MEOX2: variants seen among roughly 807,000 people sequenced by gnomAD.
MEOX2 encodes homeobox protein MOX-2.
In MEOX2, 11 loss-of-function variants were observed where a neutral mutation model predicts 27.0. That is an observed-to-expected ratio of 0.41 (90% confidence interval 0.26 to 0.68). The LOEUF (loss-of-function observed/expected upper bound fraction) is 0.68. Ranked by LOEUF, MEOX2 falls within the 30% of genes least tolerant of loss-of-function variation. The pLI is 0.33. For synonymous variants in MEOX2, 189 were observed against 155.4 expected, an observed-to-expected ratio of 1.22 and a Z score of -1.61; for missense variants, 436 against 385.4, an observed-to-expected ratio of 1.13 and a Z score of -1.10.
At chr7:15,618,928 A>T (rs1781168875) in intron 2 of MEOX2, among the ~76,000 whole-genome samples, 1 of 151,984 alleles carries the variant, frequency 6.6e-6, no homozygotes, top group Non-Finnish European at 1.5e-5. Context: ...GTTCATCATA[A>T]AAAATTGGAA....
intron 1 of MEOX2, among the ~76,000 whole-genome samples, chr7:15,669,155 A>T (rs1013544152): frequency 1.3e-5 from 2 of 152,186 alleles, no homozygotes; most frequent in African/African-American, 4.8e-5. Flanking sequence ...ATAAAAGTAA[A>T]CTCATAAATG....
At chr7:15,659,758 C>CAAAAAAA (rs58319551) in intron 1 of MEOX2, among the ~76,000 whole-genome samples, 34 of 54,012 alleles carry the variant, frequency 6.3e-4, no homozygotes, top group Admixed American at 8.3e-4. Context: ...AGACTGCTCT[C>CAAAAAAA]AAAAAAAAAA....
intron 1 of MEOX2, chr7:15,680,141 G>A (rs907121833): frequency 2.6e-5 from 4 of 151,716 alleles, no homozygotes; most frequent in Non-Finnish European, 4.4e-5. Context: ...TAACCCATTC[G>A]ATCATACACT....
chr7:15,663,095 T>C (rs939989169), intron 1 of MEOX2, among the ~76,000 whole-genome samples: 2 of 152,160 alleles, frequency 1.3e-5, no homozygotes, highest in Admixed American at 1.3e-4. Context: ...GATAGAACAC[T>C]AGCGTCCCTA....
chr7:15,622,007 A>G (rs1781229558), intron 2 of MEOX2, among the ~76,000 whole-genome samples: 1 of 152,204 alleles, frequency 6.6e-6, no homozygotes, highest in East Asian at 1.9e-4. Flanking sequence ...AATCCCAGCT[A>G]CCAGAGAGAC....
At position 15,686,148 on chromosome 7, in the gene MEOX2, G is replaced by GTGC. The variant is rs753233317; in HGVS notation, c.252_254dup (p.Gln84dup). ...GGTGCCAGTTGGTTTGCAGAGCCTG[G>GTGC]TGCTGCTGCTGCTGATGGTGGTGAT... is the stretch of plus-strand genomic sequence containing the variant. On this transcript the variant is annotated inframe_insertion, in exon 1 of 3. Transcript: ENST00000262041. 7.6e-6 allele frequency: 12 copies of GTGC among 1,576,498 alleles called. No homozygotes were observed. The highest frequency in any genetic ancestry group is 1.0e-5 in the Non-Finnish European group (12 of 1,164,544).
In MEOX2 at chr7:15,686,418, G is replaced by C; in HGVS notation, c.-16C>G. ...GGTGTTCCATAGCATGCAAGTTTCGGGTTCCAGGCAGAAGACTTCACGGCG... is the reference window on the plus strand; with the variant it reads ...GGTGTTCCATAGCATGCAAGTTTCGCGTTCCAGGCAGAAGACTTCACGGCG... On this transcript the variant is annotated 5_prime_UTR_variant, in exon 1 of 3. Coordinates refer to ENST00000262041, the MANE Select transcript of MEOX2 (RefSeq NM_005924.5). The C allele has an allele frequency of 6.4e-7, 1 of 1,555,380 alleles. No homozygotes were observed. Among genetic ancestry groups the C allele is most frequent in the South Asian group, 1.2e-5 (1 of 84,412 alleles).
At chr7:15,620,863 C>T (rs1274719314) in intron 2 of MEOX2, among the ~76,000 whole-genome samples, 1 of 152,150 alleles carries the variant, frequency 6.6e-6, no homozygotes, top group Non-Finnish European at 1.5e-5. Context: ...TACAACATTA[C>T]ACCTTTGATT....
chr7:15,677,920 C>T (rs1782227288), intron 1 of MEOX2, among the ~76,000 whole-genome samples: 1 of 152,202 alleles, frequency 6.6e-6, no homozygotes, highest in African/African-American at 2.4e-5. Flanking sequence ...CTTTCCTAAA[C>T]ATCTGGGTAT....
At chr7:15,659,376 C>T (rs1031083715) in intron 1 of MEOX2, among the ~76,000 whole-genome samples, 15 of 151,986 alleles carry the variant, frequency 9.9e-5, no homozygotes, top group Admixed American at 5.2e-4. Context: ...CTTTTGCAGT[C>T]GGGTGTGTGC....
chr7:15,647,018 T>A (rs1781661429), intron 1 of MEOX2, among the ~76,000 whole-genome samples: 1 of 152,026 alleles, frequency 6.6e-6, no homozygotes, highest in Non-Finnish European at 1.5e-5. Flanking sequence ...ATATAGTAAG[T>A]ATATATTTAT....
chr7:15,657,442 G>C (rs958551566), intron 1 of MEOX2, among the ~76,000 whole-genome samples: 34 of 151,860 alleles, frequency 2.2e-4, no homozygotes, highest in African/African-American at 8.2e-4. Flanking sequence ...ACATTCTCCA[G>C]TTTTTCCCTT....
At chr7:15,637,376 A>G (rs1424903814) in intron 1 of MEOX2, among the ~76,000 whole-genome samples, 3 of 152,186 alleles carry the variant, frequency 2.0e-5, no homozygotes, top group African/African-American at 7.2e-5. Flanking sequence ...TCTTCCAGTT[A>G]GATATTAGAT....
intron 1 of MEOX2, among the ~76,000 whole-genome samples, chr7:15,663,293 C>A (rs1293929708): frequency 1.3e-5 from 2 of 151,592 alleles, no homozygotes; most frequent in Non-Finnish European, 2.9e-5. Context: ...CATCTTGTGG[C>A]CAACTGTGTT....
chr7:15,667,165 C>A (rs1311998698), intron 1 of MEOX2, among the ~76,000 whole-genome samples: 1 of 151,392 alleles, frequency 6.6e-6, no homozygotes, highest in Admixed American at 6.6e-5. Flanking sequence ...GTGGCACACG[C>A]CTGTTGTCCC....
rs553600118 is a variant in MEOX2 at position 15,642,820 on chromosome 7, G to A, written c.518-15902C>T. ...TGTAACTATTGCATATGCTGGGTAGGTCCCTTTAGCTTTGTTTCTTTGTGC... is the reference window on the plus strand; with the variant it reads ...TGTAACTATTGCATATGCTGGGTAGATCCCTTTAGCTTTGTTTCTTTGTGC... On this transcript the variant is annotated intron_variant, in intron 1 of 2. Coordinates refer to ENST00000262041, the MANE Select transcript of MEOX2 (RefSeq NM_005924.5). Among the ~76,000 whole-genome samples the A allele has an allele frequency of 1.6e-4, 24 of 152,206 alleles. No homozygotes were observed. In the South Asian group the frequency reaches 3.9e-3, roughly 25 times the overall value.
chr7:15,644,352 A>G (rs1295121527), intron 1 of MEOX2, among the ~76,000 whole-genome samples: 1 of 152,176 alleles, frequency 6.6e-6, no homozygotes. Context: ...CTGTGGCTAA[A>G]TATGGTGCCT....
chr7:15,635,004 A>AG (rs1781459216), intron 1 of MEOX2, among the ~76,000 whole-genome samples: 1 of 152,044 alleles, frequency 6.6e-6, no homozygotes, highest in Admixed American at 6.6e-5. Context: ...AATGCATCAA[A>AG]GCACATAAGC....
At chr7:15,678,812 A>G (rs1292946957) in intron 1 of MEOX2, 3 of 152,064 alleles carry the variant, frequency 2.0e-5, no homozygotes, top group Admixed American at 6.5e-5. Context: ...CCTAAGCTGG[A>G]CCCTCCTCTA....
Sources: gnomAD v4.1 joint callset for allele counts (sites outside exome capture counted in the v4.1 genomes callset) on GRCh38, gnomAD v4.1.1 for gene constraint, MANE v1.5 for transcripts, NCBI Gene and HGNC (gene_info 2026-07-23, HGNC 2026-07-21) for gene names.